The following RRN3 variants were observed in gnomAD, a reference collection of about 807,000 sequenced individuals.
RRN3 encodes RNA polymerase I transcription factor RRN3.
RRN3 carries 38 observed loss-of-function variants against 82.3 expected under a neutral mutation model. The observed-to-expected ratio is 0.46, with a 90% CI of 0.36 to 0.61. The LOEUF is 0.61. Ranked by LOEUF, RRN3 falls within the 20% of genes least tolerant of loss-of-function variation. The pLI, the probability that RRN3 is intolerant of heterozygous loss-of-function variation, is 0.00. For missense variants in RRN3, 726 were observed against 793.1 expected (o/e 0.92, Z 1.02); for synonymous variants, 284 against 284.3 (o/e 1.00, Z 0.01).
At chr16:15,090,079 G>A (rs1371020127) in intron 3 of RRN3, among the ~76,000 whole-genome samples, 5 of 151,824 alleles carry the variant, frequency 3.3e-5, no homozygotes, top group Admixed American at 6.6e-5. Context: ...GCATGGTGGC[G>A]GGTGCCTGTA....
intron 10 of RRN3, among the ~76,000 whole-genome samples, chr16:15,075,791 T>A (rs918045733): frequency 1.3e-5 from 2 of 151,806 alleles, no homozygotes; most frequent in Non-Finnish European, 2.9e-5. Flanking sequence ...CCATGGCGGG[T>A]GCTTTTGGTG....
chr16:15,082,353 T>C (rs2045743142), intron 8 of RRN3, among the ~76,000 whole-genome samples: 1 of 152,142 alleles, frequency 6.6e-6, no homozygotes, highest in Non-Finnish European at 1.5e-5. Context: ...TGCTACAAAA[T>C]ATTTTATTAA....
intron 15 of RRN3, among the ~76,000 whole-genome samples, chr16:15,066,538 C>A (rs1166910691): frequency 2.0e-5 from 3 of 151,662 alleles, no homozygotes; most frequent in African/African-American, 7.3e-5. Context: ...GAGGCTGAGG[C>A]AGGAGAACTG....
intron 8 of RRN3, 37 bp downstream of exon 8, chr16:15,083,476 A>C (rs1261042602): frequency 1.2e-6 from 2 of 1,606,174 alleles, no homozygotes; most frequent in South Asian, 2.2e-5. Context: ...CGTACAAACA[A>C]CTTTTCCATG....
chr16:15,087,643 A>G (rs1307113075), intron 3 of RRN3, among the ~76,000 whole-genome samples: 1 of 152,214 alleles, frequency 6.6e-6, no homozygotes, highest in Non-Finnish European at 1.5e-5. Context: ...CATTTGTACT[A>G]TGGTAATTTC....
chr16:15,069,941 A>C lies in RRN3; in HGVS notation c.1444+129T>G, dbSNP rs2258388. ...TATGAGCTGCTTGAAATTATTATTA[A>C]AAGTTTGAGTGCACATGCAGTTTTC... On this transcript the variant is annotated intron_variant, in intron 14 of 17. Transcript: ENST00000198767. The C allele has an allele frequency of 6.5e-5, 90 of 1,392,348 alleles. No homozygotes were observed. In the African/African-American group the frequency reaches 9.6e-4, roughly 15 times the overall value. The allele number at this position is 1,392,348 out of a possible 1,614,324, so 86.2% of individuals were successfully genotyped here.
At chr16:15,071,678 G>A (rs1043268208) in intron 12 of RRN3, among the ~76,000 whole-genome samples, 4 of 152,220 alleles carry the variant, frequency 2.6e-5, no homozygotes, top group African/African-American at 7.2e-5. Context: ...TGAGGCAGGA[G>A]AATCGCTTGA....
chr16:15,068,776 C>T (rs975074054), intron 14 of RRN3, among the ~76,000 whole-genome samples: 1 of 152,106 alleles, frequency 6.6e-6, no homozygotes, highest in Non-Finnish European at 1.5e-5. Flanking sequence ...CCTCAACGGA[C>T]GGCAAATTTA....
intron 3 of RRN3, among the ~76,000 whole-genome samples, chr16:15,087,685 C>T (rs964191291): frequency 2.6e-5 from 4 of 152,164 alleles, no homozygotes; most frequent in African/African-American, 4.8e-5. Context: ...ATAACATTAA[C>T]GGTAGCTCAC....
chr16:15,087,395 C>A (rs1000050810), intron 3 of RRN3, among the ~76,000 whole-genome samples: 1 of 152,108 alleles, frequency 6.6e-6, no homozygotes, highest in African/African-American at 2.4e-5. Context: ...GCAATCTGCC[C>A]AACCAAGAGG....
chr16:15,082,583 G>A (rs2045753405), intron 8 of RRN3, among the ~76,000 whole-genome samples: 1 of 151,880 alleles, frequency 6.6e-6, no homozygotes, highest in East Asian at 1.9e-4. Flanking sequence ...TGAGGTGGGA[G>A]AGTCACTTGA....
chr16:15,094,106 T>C, intron 1 of RRN3, 39 bp downstream of exon 1: 6 of 1,543,102 alleles, frequency 3.9e-6, no homozygotes, highest in Non-Finnish European at 4.4e-6. Context: ...TCCTGAGCTT[T>C]CGTCCCAGAT....
At chr16:15,063,552 C>T (rs2044811271) in intron 16 of RRN3, among the ~76,000 whole-genome samples, 1 of 151,546 alleles carries the variant, frequency 6.6e-6, no homozygotes, top group South Asian at 2.1e-4. Context: ...ACTAAAAATA[C>T]AAAAAATTAG....
At chr16:15,074,370 C>T (rs1415567105) in intron 11 of RRN3, among the ~76,000 whole-genome samples, 1 of 152,208 alleles carries the variant, frequency 6.6e-6, no homozygotes, top group Non-Finnish European at 1.5e-5. Flanking sequence ...CAAAGACCCT[C>T]TAAACTCAAT....
At chr16:15,081,289 C>A (rs1233735880) in intron 8 of RRN3, among the ~76,000 whole-genome samples, 4 of 152,316 alleles carry the variant, frequency 2.6e-5, no homozygotes, top group African/African-American at 9.6e-5. Context: ...GAAGAAATGC[C>A]AGGCTATTTT....
intron 8 of RRN3, among the ~76,000 whole-genome samples, chr16:15,081,889 C>T (rs2045719376): frequency 6.6e-6 from 1 of 152,108 alleles, no homozygotes; most frequent in South Asian, 2.1e-4. Context: ...CCACTTCTGC[C>T]AGCAGCATTT....
In RRN3 at chr16:15,065,385, A is replaced by C. The variant is rs749684452; in HGVS notation, c.1554-14T>G. The C allele has an allele frequency of 1.2e-6, 2 of 1,611,382 alleles. No individual in the cohort carries two copies. The highest frequency in any genetic ancestry group is 3.3e-5 in the Admixed American group (2 of 59,824). On this transcript the variant is annotated splice_polypyrimidine_tract_variant and intron_variant, in intron 15 of 17. Transcript: ENST00000198767. ...AGCTGGTACTTACTGTGGAACAAAA[A>C]AACAACACAGACAGAGGCATTAACA...
Position 15,060,055 on chromosome 16 carries a change from G to T in RRN3, c.*1689C>A. On this transcript the variant is annotated 3_prime_UTR_variant, in exon 18 of 18. Coordinates refer to ENST00000198767, the MANE Select transcript of RRN3 (RefSeq NM_018427.5). Reference sequence around the variant, plus strand: ...ACATGTATTGAGGTACCTTTTATTGGTATAAGAACGTAAGTTCCAGATTAA... The same window carrying T: ...ACATGTATTGAGGTACCTTTTATTGTTATAAGAACGTAAGTTCCAGATTAA... 1 of 245,070 alleles carries T rather than the reference G, an allele frequency of 4.1e-6. No homozygotes were observed. The highest frequency in any genetic ancestry group is 8.2e-6 in the Non-Finnish European group (1 of 121,682). 15.2% of individuals were successfully genotyped at this position (245,070 alleles called of 1,614,324 possible).
intron 9 of RRN3, among the ~76,000 whole-genome samples, chr16:15,077,603 A>G (rs879313748): frequency 2.0e-5 from 3 of 152,140 alleles, no homozygotes; most frequent in Non-Finnish European, 4.4e-5. Context: ...GCTCTTTGGG[A>G]GGCCGAGGTG....
Sources: allele counts gnomAD v4.1 joint callset (sites outside exome capture counted in the v4.1 genomes callset), GRCh38; gene constraint gnomAD v4.1.1; transcripts MANE v1.5; gene names NCBI Gene and HGNC (gene_info 2026-07-23, HGNC 2026-07-21).